ZNF385B: variants seen among roughly 807,000 people sequenced by gnomAD.
ZNF385B encodes zinc finger protein 385B, also known as zinc finger protein 533.
Under a neutral mutation model 39.2 loss-of-function variants are expected in ZNF385B, and 23 were observed. That is an observed-to-expected ratio of 0.59 (90% CI 0.42 to 0.83). The LOEUF is 0.83. ZNF385B is among the 40% of genes least tolerant of loss of function. ZNF385B has a pLI of 0.00. For missense variants in ZNF385B, 552 were observed against 598.9 expected (o/e 0.92, Z 0.82); for synonymous variants, 205 against 222.6 (o/e 0.92, Z 0.70).
intron 3 of ZNF385B, among the ~76,000 whole-genome samples, chr2:179,565,185 C>T (rs1490927949): frequency 6.6e-6 from 1 of 152,162 alleles, no homozygotes; most frequent in African/African-American, 2.4e-5. Context: ...CCTGTGGCTT[C>T]TCTCAGTGAG....
At chr2:179,476,099 C>T (rs1019026210) in intron 6 of ZNF385B, among the ~76,000 whole-genome samples, 22 of 150,594 alleles carry the variant, frequency 1.5e-4, no homozygotes, top group Admixed American at 7.3e-4. Flanking sequence ...AGAATATACA[C>T]GTATTTATTG....
At chr2:179,599,657 A>G (rs1351560899) in intron 3 of ZNF385B, among the ~76,000 whole-genome samples, 1 of 152,192 alleles carries the variant, frequency 6.6e-6, no homozygotes, top group Non-Finnish European at 1.5e-5. Context: ...AAACATGCTG[A>G]AAGACAAAAG....
In ZNF385B at chr2:179,724,976, G is replaced by A. The variant is rs192452791; in HGVS notation, c.298+44527C>T. Among the ~76,000 whole-genome samples, 952 of 152,188 alleles carry A rather than the reference G, an allele frequency of 6.3e-3. 6 individuals carry two copies. The highest frequency in any genetic ancestry group is 9.5e-3 in the Non-Finnish European group (648 of 67,958). On this transcript the variant is annotated intron_variant, in intron 3 of 9. Transcript: ENST00000410066. ...AAGTAAATTCTAAATCTATGTTGCT[G>A]TTGGTAGGCATCCATAAATATTAGT...
At chr2:179,689,663 G>T (rs1238831248) in intron 3 of ZNF385B, among the ~76,000 whole-genome samples, 1 of 152,122 alleles carries the variant, frequency 6.6e-6, no homozygotes, top group East Asian at 1.9e-4. Context: ...ACCCTGCACT[G>T]TGCCCAGGAG....
At chr2:179,457,753 A>T (rs1442368536) in intron 6 of ZNF385B, among the ~76,000 whole-genome samples, 1 of 152,048 alleles carries the variant, frequency 6.6e-6, no homozygotes, top group Non-Finnish European at 1.5e-5. Context: ...GATTTATAGG[A>T]AGTCTTTAAA....
At chr2:179,518,228 T>C (rs2058225980) in intron 5 of ZNF385B, among the ~76,000 whole-genome samples, 1 of 152,208 alleles carries the variant, frequency 6.6e-6, no homozygotes, top group Non-Finnish European at 1.5e-5. Context: ...TAATCCTCTA[T>C]TGGTTTTAAA....
At chr2:179,750,044 A>G (rs1443776591) in intron 3 of ZNF385B, among the ~76,000 whole-genome samples, 2 of 152,130 alleles carry the variant, frequency 1.3e-5, no homozygotes, top group Admixed American at 1.3e-4. Flanking sequence ...TAATCCACAC[A>G]CTTGTATAAT....
intron 3 of ZNF385B, among the ~76,000 whole-genome samples, chr2:179,547,878 G>C (rs1459320790): frequency 2.0e-5 from 3 of 149,400 alleles, no homozygotes; most frequent in Non-Finnish European, 3.0e-5. Context: ...ATTTCCTTGT[G>C]TGTGTCCTCT....
chr2:179,547,364 C>T (rs2060299376), intron 3 of ZNF385B, among the ~76,000 whole-genome samples: 2 of 149,586 alleles, frequency 1.3e-5, no homozygotes, highest in Non-Finnish European at 3.0e-5. Context: ...AGATTTAAGT[C>T]TTTAATACAT....
At chr2:179,736,608 C>T (rs1192132735) in intron 3 of ZNF385B, among the ~76,000 whole-genome samples, 1 of 152,188 alleles carries the variant, frequency 6.6e-6, no homozygotes, top group Admixed American at 6.5e-5. Flanking sequence ...AAAGCTACTT[C>T]TTGAGCTTTT....
intron 1 of ZNF385B, among the ~76,000 whole-genome samples, chr2:179,806,440 G>A (rs184429149): frequency 6.6e-6 from 1 of 152,248 alleles, no homozygotes; most frequent in East Asian, 1.9e-4. Context: ...GAGGCATGGA[G>A]GTCATGAAGG....
chr2:179,805,715 T>C (rs995990358), intron 1 of ZNF385B, among the ~76,000 whole-genome samples: 2 of 152,158 alleles, frequency 1.3e-5, no homozygotes, highest in African/African-American at 2.4e-5. Flanking sequence ...GTAAAAAACA[T>C]AGAATGGTGC....
At chr2:179,767,549 G>A (rs904390633) in intron 3 of ZNF385B, among the ~76,000 whole-genome samples, 1 of 152,196 alleles carries the variant, frequency 6.6e-6, no homozygotes, top group Non-Finnish European at 1.5e-5. Context: ...TGAGTTGAGA[G>A]AGTGTTAAGA....
At chr2:179,734,946 A>T (rs1392161798) in intron 3 of ZNF385B, among the ~76,000 whole-genome samples, 2 of 152,094 alleles carry the variant, frequency 1.3e-5, no homozygotes, top group African/African-American at 4.8e-5. Context: ...AAACCTAGGC[A>T]TTACCATTCA....
At chr2:179,569,734 T>C (rs2105991559) in intron 3 of ZNF385B, among the ~76,000 whole-genome samples, 1 of 152,338 alleles carries the variant, frequency 6.6e-6, no homozygotes, top group South Asian at 2.1e-4. Context: ...TCAAGCTGTT[T>C]ATGAAGAAAG....
chr2:179,633,013 A>G (rs748921872), intron 3 of ZNF385B, among the ~76,000 whole-genome samples: 1 of 152,224 alleles, frequency 6.6e-6, no homozygotes, highest in African/African-American at 2.4e-5. Flanking sequence ...GAAGAAGTTG[A>G]ATCTCTGAAT....
intron 1 of ZNF385B, among the ~76,000 whole-genome samples, chr2:179,771,517 C>G (rs1370330996): frequency 2.7e-5 from 4 of 148,512 alleles, no homozygotes; most frequent in Non-Finnish European, 6.0e-5. Flanking sequence ...CCTTTTAGCT[C>G]CTGCCTTAAA....
chr2:179,473,665 C>T (rs7589355), intron 6 of ZNF385B, among the ~76,000 whole-genome samples: 31,966 of 151,920 alleles, frequency 0.21, 4,015 homozygotes, highest in East Asian at 0.46. Flanking sequence ...TAATGTCATC[C>T]CCCCCCATTG....
chr2:179,752,182 G>A (rs1702720357), intron 3 of ZNF385B, among the ~76,000 whole-genome samples: 1 of 152,110 alleles, frequency 6.6e-6, no homozygotes, highest in South Asian at 2.1e-4. Flanking sequence ...AGAACACGTG[G>A]TGTTTGCTTT....
Sources: allele counts gnomAD v4.1 joint callset (sites outside exome capture counted in the v4.1 genomes callset), GRCh38; gene constraint gnomAD v4.1.1; transcripts MANE v1.5; gene names NCBI Gene and HGNC (gene_info 2026-07-23, HGNC 2026-07-21).